TEAD1: variants seen among roughly 807,000 people sequenced by gnomAD.
TEAD1 encodes TEA domain transcription factor 1.
In TEAD1, 9 loss-of-function variants were observed where a neutral mutation model predicts 54.9. That is an observed-to-expected ratio of 0.16 (90% confidence interval 0.10 to 0.29). The LOEUF is 0.29. Ranked by LOEUF, TEAD1 falls within the 10% of genes least tolerant of loss-of-function variation. TEAD1 has a pLI of 1.00. For missense variants in TEAD1, 387 were observed against 535.9 expected, an observed-to-expected ratio of 0.72 and a Z score of 2.74; for synonymous variants, 200 against 187.8, an observed-to-expected ratio of 1.07 and a Z score of -0.53.
At chr11:12,811,963 T>G (rs1255554321) in intron 3 of TEAD1, among the ~76,000 whole-genome samples, 1 of 152,130 alleles carries the variant, frequency 6.6e-6, no homozygotes, top group Non-Finnish European at 1.5e-5. Context: ...CGTAGTCTCT[T>G]CCTGTTTTGC....
chr11:12,864,825 C>G lies in TEAD1; in HGVS notation c.268-13C>G. ...GCTTTTCCTTTGTTTTCCTCCCTTC[C>G]CCTACCCTGCAGGTGTCTAGTCACA... On this transcript the variant is annotated splice_polypyrimidine_tract_variant and intron_variant, in intron 4 of 12. Coordinates refer to ENST00000527636, the MANE Select transcript of TEAD1 (RefSeq NM_021961.6). 6.2e-7 allele frequency: 1 copy of G among 1,614,000 alleles called. No individual in the cohort carries two copies. Among genetic ancestry groups the G allele is most frequent in the East Asian group, 2.2e-5 (1 of 44,864 alleles).
chr11:12,884,210 C>G (rs1171598501), intron 9 of TEAD1, among the ~76,000 whole-genome samples: 2 of 152,100 alleles, frequency 1.3e-5, no homozygotes, highest in Non-Finnish European at 2.9e-5. Flanking sequence ...CCTTCTTTCC[C>G]ACCCAACAAG....
intron 3 of TEAD1, among the ~76,000 whole-genome samples, chr11:12,781,658 A>C (rs1308803782): frequency 1.4e-5 from 2 of 146,550 alleles, no homozygotes; most frequent in Non-Finnish European, 3.0e-5. Flanking sequence ...AAAAAAAAAA[A>C]CAGACAATAA....
At chr11:12,909,292 C>T (rs566593121) in intron 10 of TEAD1, among the ~76,000 whole-genome samples, 2 of 152,280 alleles carry the variant, frequency 1.3e-5, no homozygotes, top group East Asian at 3.9e-4. Context: ...ATATCCAAAG[C>T]ACTTTGCCAC....
chr11:12,900,804 T>C (rs1012129568), intron 9 of TEAD1, among the ~76,000 whole-genome samples: 2 of 152,190 alleles, frequency 1.3e-5, no homozygotes, highest in Non-Finnish European at 2.9e-5. Context: ...AGTTTTAACT[T>C]GGAATGTGAG....
In TEAD1 at chr11:12,840,234, G is replaced by A. The variant is rs1478993240; in HGVS notation, c.203-22016G>A. Among the ~76,000 whole-genome samples the A allele has an allele frequency of 6.0e-5, 7 of 116,486 alleles. No individual in the cohort carries two copies. In the South Asian group the frequency reaches 1.7e-3, roughly 28 times the overall value. The allele number at this position is 116,486 out of a possible 152,430, so 76.4% of individuals were successfully genotyped here. ...TGCACTCCAGCCTGGGCGACAGAGC[G>A]AGACTCTGCCTCAAAAAAAAAAAAA... On this transcript the variant is annotated intron_variant, in intron 3 of 12. Transcript: ENST00000527636.
At chr11:12,736,765 T>A (rs1266712831) in intron 2 of TEAD1, among the ~76,000 whole-genome samples, 1 of 152,196 alleles carries the variant, frequency 6.6e-6, no homozygotes, top group Non-Finnish European at 1.5e-5. Flanking sequence ...GCAGAGAATG[T>A]CTCCTTGAAA....
intron 3 of TEAD1, among the ~76,000 whole-genome samples, chr11:12,774,267 T>C (rs1329554951): frequency 6.6e-6 from 1 of 152,118 alleles, no homozygotes; most frequent in Non-Finnish European, 1.5e-5. Context: ...ATGTGGGCGA[T>C]GGACATGGGA....
intron 3 of TEAD1, among the ~76,000 whole-genome samples, chr11:12,777,294 G>A (rs1945447214): frequency 1.3e-5 from 2 of 152,112 alleles, no homozygotes. Context: ...AGCTTCTGGG[G>A]TAATATTTAA....
At chr11:12,852,831 C>CTGT (rs917361555) in intron 3 of TEAD1, among the ~76,000 whole-genome samples, 2 of 152,172 alleles carry the variant, frequency 1.3e-5, no homozygotes, top group African/African-American at 4.8e-5. Context: ...GGCTTGTAGT[C>CTGT]TGTTACACAG....
At chr11:12,810,309 G>A (rs1946274215) in intron 3 of TEAD1, among the ~76,000 whole-genome samples, 1 of 152,112 alleles carries the variant, frequency 6.6e-6, no homozygotes, top group African/African-American at 2.4e-5. Context: ...CCTAGTAACA[G>A]GTCTGAGCTG....
chr11:12,807,150 G>A (rs1946190961), intron 3 of TEAD1, among the ~76,000 whole-genome samples: 1 of 152,050 alleles, frequency 6.6e-6, no homozygotes, highest in African/African-American at 2.4e-5. Context: ...TTTTGCAAAG[G>A]CACTTTGGAA....
At chr11:12,722,276 C>A (rs755232009) in intron 2 of TEAD1, among the ~76,000 whole-genome samples, 23 of 152,318 alleles carry the variant, frequency 1.5e-4, no homozygotes, top group South Asian at 1.0e-3. Context: ...TAAACCTGGT[C>A]ATCTCCTCAG....
intron 3 of TEAD1, among the ~76,000 whole-genome samples, chr11:12,802,645 T>G (rs1036256960): frequency 6.6e-6 from 1 of 152,150 alleles, no homozygotes; most frequent in Non-Finnish European, 1.5e-5. Flanking sequence ...CCAGGTGTTA[T>G]GAATCCAGGT....
intron 3 of TEAD1, among the ~76,000 whole-genome samples, chr11:12,837,866 G>A (rs1308005493): frequency 5.5e-5 from 8 of 145,104 alleles, no homozygotes; most frequent in African/African-American, 2.1e-4. Context: ...GCAATGGCGC[G>A]ATCTCATCTC....
chr11:12,796,277 G>A lies in TEAD1; in HGVS notation c.202+31843G>A, dbSNP rs1242128963. Among the ~76,000 whole-genome samples the A allele has an allele frequency of 2.6e-5, 4 of 152,144 alleles. No homozygotes were observed. In the East Asian group the frequency reaches 7.7e-4, roughly 29 times the overall value. On this transcript the variant is annotated intron_variant, in intron 3 of 12. Transcript: ENST00000527636. ...GTGGTGTGGAGATAGCATATAGTGG[G>A]CAGTCAGTGCTTGTTGAATTAAATT...
chr11:12,685,247 A>G (rs546428905), intron 2 of TEAD1, among the ~76,000 whole-genome samples: 19 of 152,316 alleles, frequency 1.2e-4, no homozygotes, highest in African/African-American at 4.6e-4. Context: ...ATTAAAATGA[A>G]GACTTATTGA....
intron 3 of TEAD1, among the ~76,000 whole-genome samples, chr11:12,804,544 G>C (rs367693546): frequency 1.3e-5 from 2 of 152,230 alleles, no homozygotes; most frequent in Admixed American, 6.5e-5. Context: ...ACCTAAGAGT[G>C]ACAAACATGT....
Position 12,764,284 on chromosome 11 carries a change from A to G in TEAD1, c.52A>G (p.Arg18Gly), listed in dbSNP as rs752566740. 3.1e-6 allele frequency: 5 copies of G among 1,614,218 alleles called. No individual in the cohort carries two copies. Among genetic ancestry groups the G allele is most frequent in the South Asian group, 1.1e-5 (1 of 91,082 alleles). Residue 18 changes from arginine to glycine, a missense_variant, in exon 3 of 13, where the codon AGG (arginine) becomes GGG (glycine). Around this residue, in one of 5 missense-constraint regions of TEAD1, gnomAD observed 55 missense variants for 50.4 expected, o/e 1.09. Coordinates refer to ENST00000527636, the MANE Select transcript of TEAD1 (RefSeq NM_021961.6). Reference sequence around the variant, plus strand: ...TGAGAGCCCTGCCGAAAACATGGAAAGGATGAGTGACTCTGCAGATAAGCC... The same window carrying G: ...TGAGAGCCCTGCCGAAAACATGGAAGGGATGAGTGACTCTGCAGATAAGCC...
Sources: gnomAD v4.1 joint callset for allele counts (sites outside exome capture counted in the v4.1 genomes callset) on GRCh38, gnomAD v4.1.1 for gene constraint, gnomAD v4.1.1 regional missense constraint, MANE v1.5 for transcripts, NCBI Gene and HGNC (gene_info 2026-07-23, HGNC 2026-07-21) for gene names.